SKIC3: variants seen among roughly 807,000 people sequenced by gnomAD.
SKIC3 encodes the protein superkiller complex protein 3.
chr5:95,540,024 G>A, the SKIC3 span, among the ~76,000 whole-genome samples: 1 of 152,034 alleles, frequency 6.6e-6, no homozygotes, highest in East Asian at 1.9e-4. Flanking sequence ...ATCAATCAAT[G>A]AGTGGATAAA....
chr5:95,523,924 G>A, the SKIC3 span: 3 of 1,286,206 alleles, frequency 2.3e-6, no homozygotes, highest in Admixed American at 2.3e-5. Context: ...ACAGATTAAA[G>A]AAAAAAGAAA....
chr5:95,551,155 AT>A, the SKIC3 span, among the ~76,000 whole-genome samples: 2 of 152,116 alleles, frequency 1.3e-5, no homozygotes, highest in East Asian at 1.9e-4. Context: ...AAACAGAGAA[AT>A]TTTTTTAATG....
chr5:95,496,876 T>G, the SKIC3 span, among the ~76,000 whole-genome samples: 1 of 152,182 alleles, frequency 6.6e-6, no homozygotes, highest in Non-Finnish European at 1.5e-5. Context: ...TATGAGAGGA[T>G]ATATTAACCA....
chr5:95,474,406 GA>G, the SKIC3 span, among the ~76,000 whole-genome samples: 6 of 151,912 alleles, frequency 3.9e-5, no homozygotes, highest in Admixed American at 3.3e-4. Context: ...AGAAAATAAA[GA>G]AAAGAAAAAA....
At chr5:95,500,932 G>GT in the SKIC3 span, among the ~76,000 whole-genome samples, 1 of 151,956 alleles carries the variant, frequency 6.6e-6, no homozygotes. Context: ...ACTTCATTTT[G>GT]ACAAACAAGT....
the SKIC3 span, among the ~76,000 whole-genome samples, chr5:95,488,126 T>C: frequency 9.9e-5 from 15 of 152,024 alleles, no homozygotes; most frequent in East Asian, 2.9e-3. Flanking sequence ...TCAAACAACC[T>C]AGTGAGACAA....
the SKIC3 span, chr5:95,464,484 C>G: frequency 1.3e-6 from 1 of 758,116 alleles, no homozygotes. Flanking sequence ...TTCAACTTCT[C>G]TAGATTCCTT....
the SKIC3 span, among the ~76,000 whole-genome samples, chr5:95,553,582 T>TG: frequency 6.6e-6 from 1 of 152,034 alleles, no homozygotes; most frequent in African/African-American, 2.4e-5. Flanking sequence ...TTTTTTGAGA[T>TG]GGAGTTTTGC....
the SKIC3 span, chr5:95,513,311 C>T: frequency 2.3e-6 from 1 of 427,206 alleles, no homozygotes. Context: ...GGACTCAATC[C>T]TCCTGCCTCA....
the SKIC3 span, among the ~76,000 whole-genome samples, chr5:95,504,967 T>C: frequency 6.6e-6 from 1 of 151,798 alleles, no homozygotes; most frequent in Non-Finnish European, 1.5e-5. Flanking sequence ...ATTGCATCAC[T>C]GCACTCCAGC....
the SKIC3 span, among the ~76,000 whole-genome samples, chr5:95,510,355 C>T: frequency 6.6e-6 from 1 of 152,222 alleles, no homozygotes; most frequent in Non-Finnish European, 1.5e-5. Flanking sequence ...AAGATGACAA[C>T]AGCCCTTTCC....
the SKIC3 span, among the ~76,000 whole-genome samples, chr5:95,534,213 GAA>G: frequency 3.6e-5 from 5 of 138,998 alleles, no homozygotes; most frequent in Non-Finnish European, 3.2e-5. Context: ...TTCCTATCAG[GAA>G]AAAAAAAAAA....
chr5:95,539,627 T>G, the SKIC3 span, among the ~76,000 whole-genome samples: 1 of 152,074 alleles, frequency 6.6e-6, no homozygotes, highest in African/African-American at 2.4e-5. Context: ...GCGGGTCACT[T>G]GAGGTCAGGA....
the SKIC3 span, chr5:95,547,109 T>C: frequency 6.2e-7 from 1 of 1,613,354 alleles, no homozygotes; most frequent in Non-Finnish European, 8.5e-7. Flanking sequence ...TGATTGCATC[T>C]CTAGCACTTT....
chr5:95,530,827 A>G, the SKIC3 span, among the ~76,000 whole-genome samples: 1 of 152,102 alleles, frequency 6.6e-6, no homozygotes, highest in African/African-American at 2.4e-5. Context: ...CATTTATTTT[A>G]TTTTCAAATT....
At chr5:95,471,880 T>C in the SKIC3 span, among the ~76,000 whole-genome samples, 1 of 152,214 alleles carries the variant, frequency 6.6e-6, no homozygotes, top group African/African-American at 2.4e-5. Context: ...ACATAAGCTG[T>C]GGGGCCCAGT....
the SKIC3 span, among the ~76,000 whole-genome samples, chr5:95,542,977 T>C: frequency 6.6e-6 from 1 of 152,246 alleles, no homozygotes; most frequent in African/African-American, 2.4e-5. Context: ...ATCCATTAGG[T>C]AGGATATTAA....
chr5:95,497,639 A>C, the SKIC3 span: 1 of 645,860 alleles, frequency 1.5e-6, no homozygotes, highest in Non-Finnish European at 2.8e-6. Context: ...TATTTTTAGA[A>C]AACATACTTT....
At chr5:95,528,186 C>G in the SKIC3 span, 1 of 1,612,826 alleles carries the variant, frequency 6.2e-7, no homozygotes, top group South Asian at 1.1e-5. Context: ...ATGAAGACAG[C>G]CATATCACTT....
Sources: gnomAD v4.1 joint callset for allele counts (sites outside exome capture counted in the v4.1 genomes callset) on GRCh38, gnomAD v4.1.1 for gene constraint, MANE v1.5 for transcripts, NCBI Gene and HGNC (gene_info 2026-07-23, HGNC 2026-07-21) for gene names.